The following DTX1 variants were observed in gnomAD, a reference collection of about 807,000 sequenced individuals.
DTX1 encodes deltex E3 ubiquitin ligase 1.
A neutral mutation model predicts 57.8 loss-of-function variants in DTX1; 26 were observed. That is an observed-to-expected ratio of 0.45 (90% confidence interval 0.33 to 0.62). The LOEUF is 0.62. DTX1 is among the 20% of genes least tolerant of loss of function. DTX1 has a pLI of 0.02. For missense variants in DTX1, 704 were observed against 895.3 expected (o/e 0.79, Z 2.73); for synonymous variants, 398 against 394.1 (o/e 1.01, Z -0.12).
Position 113,095,052 on chromosome 12 carries a change from T to C in DTX1, c.1397T>C (p.Leu466Pro). 5 of 1,611,042 alleles carry C rather than the reference T, an allele frequency of 3.1e-6. No homozygotes were observed. Among genetic ancestry groups the C allele is most frequent in the Non-Finnish European group, 4.2e-6 (5 of 1,177,558 alleles). Reference protein sequence around the residue: ...MYSNGNKDGSLQCPTCKAIYG... With the variant: ...MYSNGNKDGSPQCPTCKAIYG... ...GCCTCCCCTGCCCAGGATGGCAGCC[T>C]GCAGTGCCCCACCTGCAAGGCCATC... Residue 466 changes from leucine (L) to proline (P), a missense_variant, in exon 8 of 10, where the codon CTG (leucine) becomes CCG (proline). Physicochemically the swap from Leu to Pro is moderately conservative, Grantham distance 98. Transcript: ENST00000548759.
intron 2 of DTX1, among the ~76,000 whole-genome samples, chr12:113,067,761 G>A (rs759513469): frequency 6.6e-6 from 1 of 152,300 alleles, no homozygotes; most frequent in East Asian, 1.9e-4. Context: ...GCCATTTGAG[G>A]TGGCTCATGC....
Position 113,077,502 on chromosome 12 carries a change from ACGACG to A in DTX1, c.339_343del (p.Asn113LysfsTer72). ...AAGGGCATCGTGTGGGAGTGGGAGA[ACGACG>A]GCGGCGCATGGACGGCCTACGATAT... On this transcript the variant is annotated frameshift_variant, in exon 3 of 10. Transcript: ENST00000548759. LOFTEE classifies it high-confidence loss of function. The surrounding 1 kb of genome is among the most constrained non-coding windows in gnomAD (Gnocchi z 7.8). The A allele has an allele frequency of 6.2e-7, 1 of 1,611,680 alleles. No homozygotes were observed.
At chr12:113,067,137 G>A (rs2044709043) in intron 2 of DTX1, among the ~76,000 whole-genome samples, 2 of 151,970 alleles carry the variant, frequency 1.3e-5, no homozygotes, top group African/African-American at 2.4e-5. Context: ...AAAGGAGGCT[G>A]CCAGGACAGT....
Position 113,077,638 on chromosome 12 carries a change from G to A in DTX1, c.474G>A (p.Gln158=). Residue 158 remains glutamine (Q), a synonymous_variant, in exon 3 of 10, where the codon CAG becomes CAA. Transcript: ENST00000548759. The surrounding 1 kb of genome is among the most constrained non-coding windows in gnomAD (Gnocchi z 7.8). ...CYLIYFNSMS[Q]MNRQTRRRRR... ...TCATCTACTTCAACAGCATGTCGCA[G>A]ATGAACCGCCAGACGCGCCGGCGCC... 4 of 1,609,146 alleles carry A rather than the reference G, an allele frequency of 2.5e-6. No homozygotes were observed. The highest frequency in any genetic ancestry group is 3.4e-6 in the Non-Finnish European group (4 of 1,178,662).
chr12:113,096,986 A>G lies in DTX1; in HGVS notation c.*47A>G. The G allele has an allele frequency of 6.4e-7, 1 of 1,554,202 alleles. No individual in the cohort carries two copies. Among genetic ancestry groups the G allele is most frequent in the East Asian group, 2.3e-5 (1 of 43,152 alleles). The stretch of plus-strand genomic sequence containing the variant: ...CCTCCTGCTTTGCCCCTGGTCCGGC[A>G]AATGCCTCCTTCGCCAGGTGTGTCC... On this transcript the variant is annotated 3_prime_UTR_variant, in exon 10 of 10. Coordinates refer to ENST00000548759, the MANE Select transcript of DTX1 (RefSeq NM_004416.3).
chr12:113,085,052 C>G (rs2044846294), intron 3 of DTX1, among the ~76,000 whole-genome samples: 1 of 138,104 alleles, frequency 7.2e-6, no homozygotes, highest in South Asian at 2.4e-4. Flanking sequence ...AGGCCCGTAC[C>G]CTTTTTTTTT....
At chr12:113,079,613 T>C (rs551327097) in intron 3 of DTX1, among the ~76,000 whole-genome samples, 1 of 145,402 alleles carries the variant, frequency 6.9e-6, no homozygotes, top group African/African-American at 2.6e-5. Context: ...CTGCAACTTC[T>C]GCCTCCAGGG....
At chr12:113,062,735 CA>C (rs1469793690) in intron 2 of DTX1, among the ~76,000 whole-genome samples, 4 of 152,266 alleles carry the variant, frequency 2.6e-5, no homozygotes, top group African/African-American at 4.8e-5. Context: ...GCCTCCCGTG[CA>C]GTGCAGCCAG....
rs532724448 is a variant in DTX1 at position 113,091,973 on chromosome 12, A to G, written c.942-1189A>G. Reference sequence around the variant, plus strand: ...CCCTGCATAAACAGGTGCTGAAGTCAGGAGGACTCAGGCAGACACACTGTA... The same window carrying G: ...CCCTGCATAAACAGGTGCTGAAGTCGGGAGGACTCAGGCAGACACACTGTA... On this transcript the variant is annotated intron_variant, in intron 3 of 9. Coordinates refer to ENST00000548759, the MANE Select transcript of DTX1 (RefSeq NM_004416.3). Among the ~76,000 whole-genome samples the G allele has an allele frequency of 3.9e-5, 6 of 152,358 alleles. No homozygotes were observed. In the East Asian group the frequency reaches 9.6e-4, roughly 24 times the overall value.
chr12:113,094,955 G>A lies in DTX1; in HGVS notation c.1386+8G>A, dbSNP rs1265540154. 2 of 1,611,158 alleles carry A rather than the reference G, an allele frequency of 1.2e-6. No homozygotes were observed. Among genetic ancestry groups the A allele is most frequent in the Admixed American group, 3.3e-5 (2 of 59,980 alleles). On this transcript the variant is annotated splice_region_variant and intron_variant, in intron 7 of 9. Transcript: ENST00000548759. ...TACTCCAATGGCAACAAGGTGGGTT[G>A]GGCGGGACAATGGCTGAGGAGTGGG...
chr12:113,094,987 A>G (rs1566021902), intron 7 of DTX1, 40 bp downstream of exon 7: 1 of 1,606,146 alleles, frequency 6.2e-7, no homozygotes, highest in Non-Finnish European at 8.5e-7. Context: ...TGGGCAGGGA[A>G]CGGAGTGGGG....
chr12:113,093,725 C>G lies in DTX1; in HGVS notation c.1165+25C>G. The G allele has an allele frequency of 6.2e-7, 1 of 1,611,018 alleles. No homozygotes were observed. Among genetic ancestry groups the G allele is most frequent in the Non-Finnish European group, 8.5e-7 (1 of 1,178,266 alleles). On this transcript the variant is annotated intron_variant, in intron 5 of 9. Coordinates refer to ENST00000548759, the MANE Select transcript of DTX1 (RefSeq NM_004416.3). The surrounding 1 kb of genome is among the most constrained non-coding windows in gnomAD (Gnocchi z 4.2). ...AGTACGCCCTCCACGCCCTGCCTCA[C>G]ACGAGATGAACCCCACTAAGCCTTG...
In DTX1 at chr12:113,094,113, G is replaced by C. The variant is rs1160548355; in HGVS notation, c.1227+14G>C. On this transcript the variant is annotated intron_variant, in intron 6 of 9. Transcript: ENST00000548759. ...CCACCTGATGAGGTGAGGAGGGGAT[G>C]GGGGGGCTGGGGGAGGGCCCTGGCA... is the stretch of plus-strand genomic sequence containing the variant. 3.4e-6 allele frequency: 5 copies of C among 1,480,346 alleles called. No individual in the cohort carries two copies. In the South Asian group the frequency reaches 4.8e-5, roughly 14 times the overall value. The allele number at this position is 1,480,346 out of a possible 1,614,324, so 91.7% of individuals were successfully genotyped here.
chr12:113,093,321 C>A lies in DTX1; in HGVS notation c.1003+98C>A. On this transcript the variant is annotated intron_variant, in intron 4 of 9. Transcript: ENST00000548759. This position sits in a 1 kb window ranked among gnomAD's most constrained non-coding sequence, Gnocchi z 4.2. ...CCCGCCCCCGAGATGGGCTGGTGAGCGTGGCCCGGAGGAAACGCCCCCTTC... is the reference window on the plus strand; with the variant it reads ...CCCGCCCCCGAGATGGGCTGGTGAGAGTGGCCCGGAGGAAACGCCCCCTTC... The A allele has an allele frequency of 7.0e-7, 1 of 1,436,312 alleles. No homozygotes were observed. Among genetic ancestry groups the A allele is most frequent in the Non-Finnish European group, 9.4e-7 (1 of 1,061,078 alleles). The allele number at this position is 1,436,312 out of a possible 1,614,324, so 89.0% of individuals were successfully genotyped here.
intron 3 of DTX1, among the ~76,000 whole-genome samples, chr12:113,084,812 G>T (rs1168625782): frequency 6.6e-6 from 1 of 152,172 alleles, no homozygotes; most frequent in Admixed American, 6.5e-5. Context: ...ACACAATTAG[G>T]ACTCAGATTC....
At chr12:113,069,375 G>A (rs992305168) in intron 2 of DTX1, among the ~76,000 whole-genome samples, 1 of 152,120 alleles carries the variant, frequency 6.6e-6, no homozygotes, top group Non-Finnish European at 1.5e-5. Context: ...CAGCCTCCAA[G>A]GTGGTAGCCT....
intron 2 of DTX1, among the ~76,000 whole-genome samples, chr12:113,061,172 T>C (rs1383914701): frequency 1.3e-5 from 2 of 152,092 alleles, no homozygotes; most frequent in East Asian, 3.9e-4. Context: ...TCTCCAGAGC[T>C]GTTCACTCCA....
chr12:113,062,880 G>T (rs2136423588), intron 2 of DTX1, among the ~76,000 whole-genome samples: 1 of 152,320 alleles, frequency 6.6e-6, no homozygotes, highest in East Asian at 1.9e-4. Context: ...CCCTGCAGGG[G>T]GTGAGGTTCC....
In DTX1 at chr12:113,093,846, C is replaced by G. The variant is rs1402501322; in HGVS notation, c.1165+146C>G. 2.1e-6 allele frequency: 3 copies of G among 1,423,936 alleles called. No individual in the cohort carries two copies. Among genetic ancestry groups the G allele is most frequent in the Non-Finnish European group, 2.9e-6 (3 of 1,043,238 alleles). The allele number at this position is 1,423,936 out of a possible 1,614,324, so 88.2% of individuals were successfully genotyped here. Reference sequence around the variant, plus strand: ...TCAGCTCCCCTTGCCCTGGCCCCATCTTTCACCAGCTCCTGTTACAGCTAA... The same window carrying G: ...TCAGCTCCCCTTGCCCTGGCCCCATGTTTCACCAGCTCCTGTTACAGCTAA... On this transcript the variant is annotated intron_variant, in intron 5 of 9. Transcript: ENST00000548759. The surrounding 1 kb of genome is among the most constrained non-coding windows in gnomAD (Gnocchi z 4.2).
Sources: gnomAD v4.1 joint callset for allele counts (sites outside exome capture counted in the v4.1 genomes callset) on GRCh38, gnomAD v4.1.1 for gene constraint, Gnocchi (gnomAD v3.1) non-coding constraint, MANE v1.5 for transcripts, NCBI Gene and HGNC (gene_info 2026-07-23, HGNC 2026-07-21) for gene names.